Variants in WDR3 observed in about 807,000 individuals in gnomAD.
The protein encoded by WDR3 is WD repeat domain 3, also known as WD repeat-containing protein 3.
WDR3 carries 81 observed loss-of-function variants against 123.7 expected under a neutral mutation model. That is an observed-to-expected ratio of 0.65 (90% confidence interval 0.55 to 0.79). The LOEUF (loss-of-function observed/expected upper bound fraction) is 0.79. Among genes scored for constraint, WDR3 ranks in the 30% least tolerant of loss-of-function variants. The pLI, the probability that WDR3 is intolerant of heterozygous loss-of-function variation, is 0.00. For missense variants in WDR3, 1,027 were observed against 1,123.2 expected (o/e 0.91, Z 1.22); for synonymous variants, 390 against 388.8 (o/e 1.00, Z -0.04).
At chr1:117,951,018 C>CA in intron 16 of WDR3, 128 bp downstream of exon 16, 1 of 655,120 alleles carries the variant, frequency 1.5e-6, no homozygotes, top group Non-Finnish European at 2.5e-6. Flanking sequence ...TATCTTTCTC[C>CA]AAAAACAGTC....
chr1:117,958,357 T>G (rs1304972089), intron 25 of WDR3, among the ~76,000 whole-genome samples: 1 of 152,336 alleles, frequency 6.6e-6, no homozygotes, highest in Admixed American at 6.5e-5. Context: ...TTTTTTTTAC[T>G]GCTATGGTAT....
chr1:117,946,212 C>A, intron 12 of WDR3, 33 bp downstream of exon 12: 1 of 1,538,872 alleles, frequency 6.5e-7, no homozygotes, highest in South Asian at 1.2e-5. Context: ...ATATCTGGAT[C>A]TTTTCTACTC....
In WDR3 at chr1:117,949,886, A is replaced by G. The variant is rs754744661; in HGVS notation, c.1610+50A>G. 4.3e-6 allele frequency: 7 copies of G among 1,611,000 alleles called. No homozygotes were observed. In the East Asian group the frequency reaches 1.3e-4, roughly 31 times the overall value. ...TTTTTTGGAGTGAAAATGGGGAGCT[A>G]TGGAATGGCCTTTTGACGTCTTATA... On this transcript the variant is annotated intron_variant, in intron 14 of 26. Transcript: ENST00000349139.
At chr1:117,933,731 A>C in intron 2 of WDR3, 2 of 542,586 alleles carry the variant, frequency 3.7e-6, no homozygotes, top group Non-Finnish European at 6.7e-6. Flanking sequence ...ATTTGTTGGA[A>C]TATTTACAGG....
chr1:117,951,980 G>A lies in WDR3; in HGVS notation c.1808G>A (p.Gly603Glu), dbSNP rs1230363396. ...TTTTACTTTTATTTCTCATAGGATG[G>A]AGCACTCATAGCAACTGGCTCCGCT... ...PVICMDISHD[G>E]ALIATGSADR... The change falls in exon 17 of 27, where the codon GGA becomes GAA. Residue 603 changes from glycine (G) to glutamate (E), a missense_variant. By Grantham distance (98) the Gly-to-Glu change is moderately conservative. Coordinates refer to ENST00000349139, the MANE Select transcript of WDR3 (RefSeq NM_006784.3). The A allele has an allele frequency of 1.2e-6, 2 of 1,612,588 alleles. No individual in the cohort carries two copies. Among genetic ancestry groups the A allele is most frequent in the Non-Finnish European group, 1.7e-6 (2 of 1,179,166 alleles).
At chr1:117,932,492 T>C (rs1329115653) in intron 1 of WDR3, among the ~76,000 whole-genome samples, 1 of 152,180 alleles carries the variant, frequency 6.6e-6, no homozygotes, top group Non-Finnish European at 1.5e-5. Context: ...TTTGGATGTA[T>C]ACTAGAGTTA....
Position 117,957,088 on chromosome 1 carries a change from T to C in WDR3, c.2474T>C (p.Leu825Pro). 6.3e-7 allele frequency: 1 copy of C among 1,599,448 alleles called. No homozygotes were observed. The highest frequency in any genetic ancestry group is 8.5e-7 in the Non-Finnish European group (1 of 1,174,248). ...TTCAGTGAGCTGGAAGAATCTCTAC[T>C]TGTGCTGCCTTTCTCTTATGTCCCA... ...IKSSELEESLLVLPFSYVPDI... is the reference protein window; with the variant it reads ...IKSSELEESLPVLPFSYVPDI... The change falls in exon 25 of 27, where the codon CTT (leucine) becomes CCT (proline). Residue 825 changes from leucine to proline, a missense_variant. Leu to Pro is a moderately conservative substitution (Grantham distance 98). Coordinates refer to ENST00000349139, the MANE Select transcript of WDR3 (RefSeq NM_006784.3).
In WDR3 at chr1:117,946,955, AAAAAAAT is replaced by A. The variant is rs1651426258; in HGVS notation, c.1422+777_1422+783del. On this transcript the variant is annotated intron_variant, in intron 12 of 26. Coordinates refer to ENST00000349139, the MANE Select transcript of WDR3 (RefSeq NM_006784.3). ...GACTCCATCTCAAAAAAAAAAAAAA[AAAAAAAT>A]GAGTAATTTGGAGCAAGTCACATAA... Among the ~76,000 whole-genome samples, 10 of 151,748 alleles carry A rather than the reference AAAAAAAT, an allele frequency of 6.6e-5. No individual in the cohort carries two copies. In the South Asian group the frequency reaches 2.1e-3, roughly 32 times the overall value.
At position 117,965,412 on chromosome 1, in the gene WDR3, A is replaced by G. The variant is rs978479475; in HGVS notation, c.*5965A>G. On this transcript the variant is annotated 3_prime_UTR_variant, in exon 27 of 27. Transcript: ENST00000349139. ...TGTGTAAACGATGCTTAAAATTATT[A>G]TATCTCCAATTCTGACTTCTCAGTT... 3 of 152,194 alleles carry G rather than the reference A, an allele frequency of 2.0e-5. No individual in the cohort carries two copies. Among genetic ancestry groups the G allele is most frequent in the East Asian group, 3.8e-4 (2 of 5,198 alleles). The allele number at this position is 152,194 out of a possible 1,614,324, so 9.4% of individuals were successfully genotyped here. A position where few individuals can be genotyped will look rare whatever the true frequency, so the allele number is the denominator to read the frequency against.
intron 11 of WDR3, 55 bp downstream of exon 11, chr1:117,943,681 T>C: frequency 6.5e-7 from 1 of 1,530,626 alleles, no homozygotes; most frequent in Non-Finnish European, 8.9e-7. Context: ...TTTTAATTTT[T>C]TTTGGTACTC....
rs1651554083 is a variant in WDR3 at position 117,950,059 on chromosome 1, C to T, written c.1675C>T (p.Pro559Ser). The T allele has an allele frequency of 6.2e-7, 1 of 1,613,812 alleles. No homozygotes were observed. Among genetic ancestry groups the T allele is most frequent in the South Asian group, 1.1e-5 (1 of 91,070 alleles). The change falls in exon 15 of 27, where the codon CCC (proline) becomes TCC (serine). Residue 559 changes from proline to serine, a missense_variant. By Grantham distance (74) the Pro-to-Ser change is moderately conservative. Transcript: ENST00000349139. ...DEDVLCVSYS[P>S]NQKLLAVSLL... is the part of the protein sequence containing the mutation. The stretch of plus-strand genomic sequence containing the variant: ...AGATGTTCTGTGTGTCAGTTACTCT[C>T]CCAATCAAAAGCTATTGGCTGTGTC...
chr1:117,950,251 G>A (rs1651562945), intron 15 of WDR3, 121 bp downstream of exon 15: 1 of 1,186,254 alleles, frequency 8.4e-7, no homozygotes, highest in Non-Finnish European at 1.2e-6. Context: ...CTAAAAATGT[G>A]TGTGTGAATC....
intron 9 of WDR3, 24 bp from the exon 10 acceptor site, chr1:117,942,413 A>G (rs776024468): frequency 6.3e-7 from 1 of 1,594,606 alleles, no homozygotes; most frequent in South Asian, 1.1e-5. Context: ...TAAGAGCATG[A>G]TATACTTTTC....
In WDR3 at chr1:117,952,646, A is replaced by T; in HGVS notation, c.2135A>T (p.Glu712Val). 1 of 1,612,882 alleles carries T rather than the reference A, an allele frequency of 6.2e-7. No individual in the cohort carries two copies. Among genetic ancestry groups the T allele is most frequent in the Non-Finnish European group, 8.5e-7 (1 of 1,179,398 alleles). Residue 712 changes from glutamate to valine, a missense_variant, in exon 19 of 27, where the codon GAG becomes GTG. By Grantham distance (121) the Glu-to-Val change is moderately radical. Transcript: ENST00000349139. ...AGAACAAGGGAGCCTCTTATTCTTGAGGAAGAAAGGGAGATGGTAAGAACT... is the reference window on the plus strand; with the variant it reads ...AGAACAAGGGAGCCTCTTATTCTTGTGGAAGAAAGGGAGATGGTAAGAACT... ...WERTREPLIL[E>V]EEREMEREAE...
chr1:117,962,437 A>C lies in WDR3; in HGVS notation c.*2990A>C, dbSNP rs1653225501. On this transcript the variant is annotated 3_prime_UTR_variant, in exon 27 of 27. Coordinates refer to ENST00000349139, the MANE Select transcript of WDR3 (RefSeq NM_006784.3). ...AATATCTCTTGCATATTGTGAAGTA[A>C]GTTACCTATAGAAATTCTGTAGTAC... 6.6e-6 allele frequency: 1 copy of C among 152,138 alleles called. No individual in the cohort carries two copies. Among genetic ancestry groups the C allele is most frequent in the Non-Finnish European group, 1.5e-5 (1 of 68,038 alleles). The allele number at this position is 152,138 out of a possible 1,614,324, so 9.4% of individuals were successfully genotyped here. A position where few individuals can be genotyped will look rare whatever the true frequency, so the allele number is the denominator to read the frequency against.
intron 15 of WDR3, 31 bp from the exon 16 acceptor site, chr1:117,950,803 C>A (rs772449701): frequency 6.4e-7 from 1 of 1,561,204 alleles, no homozygotes; most frequent in Non-Finnish European, 8.7e-7. Flanking sequence ...ATTTTATAGA[C>A]AGACATTAAT....
At chr1:117,959,258 A>C (rs759481507) in intron 26 of WDR3, 34 bp from the exon 27 acceptor site, 8 of 1,594,068 alleles carry the variant, frequency 5.0e-6, no homozygotes, top group Non-Finnish European at 6.8e-6. Context: ...GAAGTGGGAG[A>C]AAATTTTTTA....
intron 25 of WDR3, among the ~76,000 whole-genome samples, 188 bp downstream of exon 25, chr1:117,957,384 C>G (rs1238061050): frequency 6.6e-6 from 1 of 152,086 alleles, no homozygotes; most frequent in East Asian, 1.9e-4. Flanking sequence ...TGCTACCAGC[C>G]CAAGCAATCA....
chr1:117,935,971 T>G lies in WDR3; in HGVS notation c.382-798T>G, dbSNP rs550965043. ...ATGATAGACAAAAGAAAGTCATGAA[T>G]TGGCAATTCAAAAGAGATACTTTAT... On this transcript the variant is annotated intron_variant, in intron 3 of 26. Transcript: ENST00000349139. Among the ~76,000 whole-genome samples the G allele has an allele frequency of 2.0e-5, 3 of 152,064 alleles. No individual in the cohort carries two copies. In the South Asian group the frequency reaches 6.2e-4, roughly 32 times the overall value.
Sources: allele counts gnomAD v4.1 joint callset (sites outside exome capture counted in the v4.1 genomes callset), GRCh38; gene constraint gnomAD v4.1.1; transcripts MANE v1.5; gene names NCBI Gene and HGNC (gene_info 2026-07-23, HGNC 2026-07-21).